CTNNA2: variants seen among roughly 807,000 people sequenced by gnomAD.
CTNNA2 encodes the protein catenin alpha 2.
CTNNA2 carries 42 observed loss-of-function variants against 101.0 expected under a neutral mutation model. That is an observed-to-expected ratio of 0.42 (90% CI 0.32 to 0.54). The LOEUF (loss-of-function observed/expected upper bound fraction) is 0.54, where lower values mean the gene tolerates loss of function less well. Ranked by LOEUF, CTNNA2 falls within the 20% of genes least tolerant of loss-of-function variation. The pLI is 0.14. For missense variants in CTNNA2, 871 were observed against 1,223.1 expected (o/e 0.71, Z 4.29); for synonymous variants, 450 against 456.4 (o/e 0.99, Z 0.18).
At chr2:79,339,487 T>C (rs1677081227) in intron 3 of CTNNA2, 1 of 152,206 alleles carries the variant, frequency 6.6e-6, no homozygotes, top group African/African-American at 2.4e-5. Flanking sequence ...TCAAAGTGAA[T>C]TCTTAAAATA....
intron 7 of CTNNA2, among the ~76,000 whole-genome samples, chr2:80,112,039 G>A (rs1014230469): frequency 2.0e-5 from 3 of 152,128 alleles, no homozygotes; most frequent in Non-Finnish European, 4.4e-5. Context: ...ATATTTGAGT[G>A]AGGGTAGATA....
At chr2:79,308,702 G>T (rs1319751396) in intron 2 of CTNNA2, among the ~76,000 whole-genome samples, 18 of 150,660 alleles carry the variant, frequency 1.2e-4, no homozygotes, top group Non-Finnish European at 2.7e-4. Context: ...GTGGGAGTCT[G>T]GTTTCATTCT....
intron 4 of CTNNA2, among the ~76,000 whole-genome samples, chr2:79,410,813 A>G (rs1411219530): frequency 6.6e-6 from 1 of 151,542 alleles, no homozygotes; most frequent in African/African-American, 2.4e-5. Flanking sequence ...TGCTGGCCTC[A>G]TAAAATGAGT....
intron 6 of CTNNA2, among the ~76,000 whole-genome samples, chr2:79,892,540 A>G (rs1684382566): frequency 6.6e-6 from 1 of 152,174 alleles, no homozygotes; most frequent in African/African-American, 2.4e-5. Flanking sequence ...ATATAATAGA[A>G]TGTGATTTCC....
chr2:79,296,377 A>G (rs1017523788), intron 2 of CTNNA2, among the ~76,000 whole-genome samples: 1 of 152,218 alleles, frequency 6.6e-6, no homozygotes, highest in Non-Finnish European at 1.5e-5. Flanking sequence ...ATTATGCTTC[A>G]GGAAAGAATT....
At chr2:80,384,424 GA>G (rs554783579) in intron 7 of CTNNA2, among the ~76,000 whole-genome samples, 11,599 of 126,546 alleles carry the variant, frequency 0.092, 1,306 homozygotes, top group African/African-American at 0.28. Flanking sequence ...AAAGTTAAAA[GA>G]AAAAAAAAAA....
intron 7 of CTNNA2, among the ~76,000 whole-genome samples, chr2:80,352,783 A>C (rs184505704): frequency 6.6e-6 from 1 of 152,146 alleles, no homozygotes; most frequent in African/African-American, 2.4e-5. Context: ...TGAGTTTATT[A>C]TAAGACAAAT....
At chr2:79,850,286 TCCTC>T (rs1680579629) in intron 3 of CTNNA2, among the ~76,000 whole-genome samples, 2 of 96,224 alleles carry the variant, frequency 2.1e-5, no homozygotes, top group Admixed American at 1.0e-4. Context: ...CTTTTCTCCT[TCCTC>T]CCTCCCTCCC....
intron 7 of CTNNA2, among the ~76,000 whole-genome samples, chr2:80,094,570 G>T (rs1041013124): frequency 2.4e-4 from 37 of 152,090 alleles, no homozygotes; most frequent in African/African-American, 8.2e-4. Flanking sequence ...GATGGGGATG[G>T]CATTGAATCT....
At chr2:79,481,799 C>A (rs1206573598) in intron 4 of CTNNA2, among the ~76,000 whole-genome samples, 2 of 151,966 alleles carry the variant, frequency 1.3e-5, no homozygotes, top group Non-Finnish European at 2.9e-5. Context: ...CTTTGAAAAA[C>A]TTTAAAAGAA....
intron 7 of CTNNA2, among the ~76,000 whole-genome samples, chr2:80,074,769 A>G (rs139571472): frequency 6.6e-6 from 1 of 152,320 alleles, no homozygotes; most frequent in African/African-American, 2.4e-5. Context: ...TCTCTACATA[A>G]TTCAGTGGAA....
intron 7 of CTNNA2, among the ~76,000 whole-genome samples, chr2:80,146,709 G>GTTTTTT: frequency 1.4e-5 from 1 of 70,464 alleles, no homozygotes; most frequent in Non-Finnish European, 3.2e-5. Flanking sequence ...AGTCCCCTCT[G>GTTTTTT]GTTTTTTTTT....
chr2:80,386,322 C>G (rs1020086495), intron 7 of CTNNA2, among the ~76,000 whole-genome samples: 4 of 152,110 alleles, frequency 2.6e-5, no homozygotes, highest in Admixed American at 1.3e-4. Flanking sequence ...CAACTTTCAT[C>G]CATTCTAAAG....
intron 6 of CTNNA2, among the ~76,000 whole-genome samples, chr2:79,889,806 G>C (rs1684178505): frequency 6.6e-6 from 1 of 152,186 alleles, no homozygotes; most frequent in South Asian, 2.1e-4. Flanking sequence ...CTGAAAAGTT[G>C]TTATGCCACT....
At chr2:80,567,731 A>G (rs1694181343) in intron 12 of CTNNA2, among the ~76,000 whole-genome samples, 1 of 152,024 alleles carries the variant, frequency 6.6e-6, no homozygotes, top group Admixed American at 6.5e-5. Context: ...TTTTTCCCTA[A>G]TCTTTACCGA....
chr2:80,027,573 G>T (rs80324025), intron 7 of CTNNA2, among the ~76,000 whole-genome samples: 6,784 of 152,278 alleles, frequency 0.045, 269 homozygotes, highest in African/African-American at 0.11. Flanking sequence ...GGCAAGAGAG[G>T]TTGAGGCTTA....
At chr2:80,533,701 T>C (rs1015491645) in intron 9 of CTNNA2, among the ~76,000 whole-genome samples, 1 of 152,184 alleles carries the variant, frequency 6.6e-6, no homozygotes, top group Non-Finnish European at 1.5e-5. Context: ...TTGTATTCAC[T>C]GGAAATAAGT....
At chr2:79,577,065 AAGTT>A (rs1675844947) in intron 1 of CTNNA2, among the ~76,000 whole-genome samples, 2 of 152,090 alleles carry the variant, frequency 1.3e-5, no homozygotes, top group South Asian at 2.1e-4. Context: ...AGTTGAATCA[AAGTT>A]AGTTAAAATT....
intron 7 of CTNNA2, among the ~76,000 whole-genome samples, chr2:79,916,652 G>A (rs1241326498): frequency 6.8e-6 from 1 of 147,648 alleles, no homozygotes; most frequent in Non-Finnish European, 1.5e-5. Context: ...GCATGATCTC[G>A]GCTAGCTGCA....
Sources: allele counts gnomAD v4.1 joint callset (sites outside exome capture counted in the v4.1 genomes callset), GRCh38; gene constraint gnomAD v4.1.1; transcripts MANE v1.5; gene names NCBI Gene and HGNC (gene_info 2026-07-23, HGNC 2026-07-21).